FUT8: variants seen among roughly 807,000 people sequenced by gnomAD.
FUT8 encodes the protein fucosyltransferase 8, also known as alpha-(1,6)-fucosyltransferase.
A neutral mutation model predicts 71.3 loss-of-function variants in FUT8; 29 were observed. The ratio of observed to expected loss-of-function variants is 0.41; its 90% confidence interval spans 0.30 to 0.55. The LOEUF (loss-of-function observed/expected upper bound fraction) is 0.55, where lower values mean the gene tolerates loss of function less well. Ranked by LOEUF, FUT8 falls within the 20% of genes least tolerant of loss-of-function variation. The pLI is 0.34. For synonymous variants in FUT8, 254 were observed against 239.3 expected (o/e 1.06, Z -0.57); for missense variants, 544 against 702.1 (o/e 0.77, Z 2.55).
chr14:65,528,116 C>T (rs1883630760), intron 2 of FUT8, among the ~76,000 whole-genome samples: 1 of 152,222 alleles, frequency 6.6e-6, no homozygotes, highest in Non-Finnish European at 1.5e-5. Flanking sequence ...GTTTCTGCTG[C>T]CTTTTGTTCG....
chr14:65,665,590 A>T (rs1466071175), intron 6 of FUT8, among the ~76,000 whole-genome samples: 2 of 152,168 alleles, frequency 1.3e-5, no homozygotes, highest in African/African-American at 2.4e-5. Flanking sequence ...GGATATATAC[A>T]CAAAGGAATA....
At chr14:65,427,203 G>A (rs1005849635) in intron 1 of FUT8, among the ~76,000 whole-genome samples, 7 of 152,084 alleles carry the variant, frequency 4.6e-5, no homozygotes, top group African/African-American at 9.7e-5. Flanking sequence ...ATTGGTGGAC[G>A]CTTACGTTGA....
chr14:65,397,526 C>G, the FUT8 span, among the ~76,000 whole-genome samples: 8 of 152,224 alleles, frequency 5.3e-5, no homozygotes, highest in Non-Finnish European at 1.0e-4. This position sits in a 1 kb window ranked among gnomAD's most constrained non-coding sequence, Gnocchi z 4.2. Context: ...TCTGGGTACT[C>G]TGGTTTCCAC....
chr14:65,375,475 G>T, the FUT8 span, among the ~76,000 whole-genome samples: 1 of 152,066 alleles, frequency 6.6e-6, no homozygotes, highest in African/African-American at 2.4e-5. Flanking sequence ...TTTAAAATTA[G>T]CTGGTTGTGG....
intron 5 of FUT8, among the ~76,000 whole-genome samples, chr14:65,625,085 A>G (rs967353878): frequency 3.3e-5 from 5 of 151,820 alleles, no homozygotes; most frequent in Admixed American, 6.6e-5. Context: ...AAATAAATAA[A>G]TAAATAAATA....
At chr14:65,442,823 TAA>T (rs34820585) in intron 1 of FUT8, among the ~76,000 whole-genome samples, 2 of 136,588 alleles carry the variant, frequency 1.5e-5, no homozygotes, top group Non-Finnish European at 1.6e-5. Flanking sequence ...CCCATCTCAT[TAA>T]AAAAAAAAAA....
intron 5 of FUT8, among the ~76,000 whole-genome samples, chr14:65,620,370 A>G (rs1889540914): frequency 6.6e-6 from 1 of 152,172 alleles, no homozygotes; most frequent in Non-Finnish European, 1.5e-5. Context: ...CTTAGACTAA[A>G]TTGTGTTCTC....
rs1341357775 is a variant in FUT8, at chr14:65,607,031, T to C, written c.204-8947T>C. On this transcript the variant is annotated intron_variant, in intron 3 of 10. Transcript: ENST00000673929. The surrounding 1 kb of genome is among the most constrained non-coding windows in gnomAD (Gnocchi z 4.1). ...CACATTTAGTAATTTGTGGTTGTTG[T>C]TGTATAGAGACTTTAATTTCTGTAC... 1.3e-5 allele frequency among the ~76,000 whole-genome samples: 2 copies of C among 151,970 alleles called. No homozygotes were observed. Among genetic ancestry groups the C allele is most frequent in the East Asian group, 3.8e-4 (2 of 5,208 alleles).
the FUT8 span, among the ~76,000 whole-genome samples, chr14:65,399,548 C>G: frequency 6.6e-6 from 1 of 152,306 alleles, no homozygotes; most frequent in East Asian, 1.9e-4. Flanking sequence ...AAAATATGGT[C>G]ATCACAGGCA....
At chr14:65,697,989 C>A (rs182238086) in intron 7 of FUT8, among the ~76,000 whole-genome samples, 10 of 140,928 alleles carry the variant, frequency 7.1e-5, no homozygotes, top group Admixed American at 3.7e-4. Context: ...GAAACTCCAT[C>A]TCAAAAAAAA....
intron 5 of FUT8, among the ~76,000 whole-genome samples, chr14:65,626,342 C>T (rs116869681): frequency 4.8e-4 from 73 of 152,128 alleles, no homozygotes; most frequent in Non-Finnish European, 8.5e-4. Context: ...TCCTAGGACA[C>T]AAAATTAGTA....
chr14:65,540,857 A>G (rs1884637724), intron 2 of FUT8, among the ~76,000 whole-genome samples: 1 of 152,238 alleles, frequency 6.6e-6, no homozygotes, highest in Non-Finnish European at 1.5e-5. Context: ...GTATTAAAGG[A>G]AAATGTGAAA....
At chr14:65,726,745 T>C (rs1361923933) in intron 9 of FUT8, among the ~76,000 whole-genome samples, 6 of 151,742 alleles carry the variant, frequency 4.0e-5, no homozygotes, top group Admixed American at 3.9e-4. Context: ...CCCCCCGGAG[T>C]CTTAACTCAT....
intron 3 of FUT8, among the ~76,000 whole-genome samples, chr14:65,600,838 C>A (rs1262637317): frequency 6.6e-6 from 1 of 152,054 alleles, no homozygotes; most frequent in African/African-American, 2.4e-5. Flanking sequence ...TCACTCATTG[C>A]CCTGATTTGT....
chr14:65,542,072 C>A (rs925234238), intron 2 of FUT8, among the ~76,000 whole-genome samples: 1 of 152,128 alleles, frequency 6.6e-6, no homozygotes, highest in Admixed American at 6.6e-5. Context: ...TACCTACCTA[C>A]GTCGTAAGGG....
At chr14:65,649,404 G>A (rs1290638878) in intron 6 of FUT8, among the ~76,000 whole-genome samples, 1 of 152,126 alleles carries the variant, frequency 6.6e-6, no homozygotes, top group East Asian at 1.9e-4. Context: ...TGAGTATCAG[G>A]GATAGAAGAT....
At position 65,632,860 on chromosome 14, in the gene FUT8, T is replaced by G. The variant is rs536002138; in HGVS notation, c.597+3254T>G. Among the ~76,000 whole-genome samples, 7 of 152,344 alleles carry G rather than the reference T, an allele frequency of 4.6e-5. No individual in the cohort carries two copies. The East Asian group carries it at 1.3e-3, about 29-fold the overall frequency. The stretch of plus-strand genomic sequence containing the variant: ...TTTATATAGTTTCAGGTCTCAGATT[T>G]AAGTCCTTATTCCATCTTGAGTTGA... On this transcript the variant is annotated intron_variant, in intron 6 of 10. Transcript: ENST00000673929.
At chr14:65,642,506 G>T (rs1039008449) in intron 6 of FUT8, among the ~76,000 whole-genome samples, 1 of 151,496 alleles carries the variant, frequency 6.6e-6, no homozygotes, top group Non-Finnish European at 1.5e-5. Flanking sequence ...GGGAGGCTGA[G>T]GCAGGAGAAT....
chr14:65,702,213 C>T (rs1594915819), intron 7 of FUT8, among the ~76,000 whole-genome samples: 1 of 152,072 alleles, frequency 6.6e-6, no homozygotes, highest in South Asian at 2.1e-4. Context: ...GGCATGGTGG[C>T]ACACGCCTGT....
Sources: gnomAD v4.1 joint callset for allele counts (sites outside exome capture counted in the v4.1 genomes callset) on GRCh38, gnomAD v4.1.1 for gene constraint, Gnocchi (gnomAD v3.1) non-coding constraint, MANE v1.5 for transcripts, NCBI Gene and HGNC (gene_info 2026-07-23, HGNC 2026-07-21) for gene names.